Variants in OSBP observed in about 807,000 individuals in gnomAD.
OSBP encodes the protein oxysterol-binding protein 1.
A neutral mutation model predicts 96.6 loss-of-function variants in OSBP; 32 were observed. That is an observed-to-expected ratio of 0.33 (90% confidence interval 0.25 to 0.45). The LOEUF is 0.45. Ranked by LOEUF, OSBP falls within the 20% of genes least tolerant of loss-of-function variation. OSBP has a pLI of 1.00. For missense variants in OSBP, 653 were observed against 1,029.7 expected, an observed-to-expected ratio of 0.63 and a Z score of 5.01; for synonymous variants, 369 against 389.6, an observed-to-expected ratio of 0.95 and a Z score of 0.62.
At position 59,615,567 on chromosome 11, in the gene OSBP, C is replaced by T; in HGVS notation, c.98G>A (p.Gly33Asp). Residue 33 changes from glycine (G) to aspartate (D), a missense_variant, in exon 1 of 14, where the codon GGC becomes GAC. This residue lies in a region of OSBP where 151 missense variants were observed against 146.1 expected (regional missense o/e 1.03). Coordinates refer to ENST00000263847, the MANE Select transcript of OSBP (RefSeq NM_002556.3). Reference protein sequence around the residue: ...GGAGPPVVGGGGGRGDAGPGS... With the variant: ...GGAGPPVVGGDGGRGDAGPGS... ...TGGCCCCGCATCTCCGCGGCCGCCG[C>T]CTCCTCCCACCACTGGGGGACCGGC... 7.3e-7 allele frequency: 1 copy of T among 1,366,514 alleles called. No individual in the cohort carries two copies. The highest frequency in any genetic ancestry group is 2.8e-5 in the Admixed American group (1 of 35,280). 84.6% of individuals were successfully genotyped at this position (1,366,514 alleles called of 1,614,324 possible). A position where few individuals can be genotyped will look rare whatever the true frequency, so the allele number is the denominator to read the frequency against.
intron 7 of OSBP, among the ~76,000 whole-genome samples, chr11:59,598,273 C>T (rs372946931): frequency 2.0e-5 from 3 of 152,164 alleles, no homozygotes; most frequent in Admixed American, 1.3e-4. Context: ...AGACGTAGCC[C>T]CTGATCACAA....
chr11:59,583,949 T>TG (rs1438475185), intron 9 of OSBP, among the ~76,000 whole-genome samples: 3 of 147,718 alleles, frequency 2.0e-5, no homozygotes, highest in African/African-American at 7.5e-5. Context: ...TGTTTTTTTT[T>TG]TTTTTTTTTT....
At chr11:59,610,201 G>A (rs1422248120) in intron 2 of OSBP, among the ~76,000 whole-genome samples, 180 bp downstream of exon 2, 2 of 152,160 alleles carry the variant, frequency 1.3e-5, no homozygotes, top group Non-Finnish European at 2.9e-5. Flanking sequence ...CCCCTGGGGA[G>A]GAGAATCAAC....
intron 7 of OSBP, among the ~76,000 whole-genome samples, chr11:59,595,663 C>T (rs1410533982): frequency 1.3e-5 from 2 of 151,980 alleles, no homozygotes; most frequent in East Asian, 1.9e-4. Flanking sequence ...AACTTGGCCA[C>T]GTGTGGTGGC....
chr11:59,579,553 G>C (rs977812944), intron 11 of OSBP, among the ~76,000 whole-genome samples: 1 of 151,474 alleles, frequency 6.6e-6, no homozygotes, highest in African/African-American at 2.4e-5. Flanking sequence ...GGCTGGTCTC[G>C]AACTCCCGAC....
At chr11:59,579,103 A>C (rs77953412) in intron 11 of OSBP, among the ~76,000 whole-genome samples, 5,346 of 152,124 alleles carry the variant, frequency 0.035, 131 homozygotes, top group Non-Finnish European at 0.043. Flanking sequence ...CACGTAGCAA[A>C]AGCATCTGAC....
At chr11:59,595,963 A>G (rs986465240) in intron 7 of OSBP, among the ~76,000 whole-genome samples, 3 of 148,676 alleles carry the variant, frequency 2.0e-5, no homozygotes, top group Non-Finnish European at 3.0e-5. Context: ...AAATAAATAA[A>G]TAAATAAATA....
chr11:59,613,792 A>C (rs554977518), intron 1 of OSBP, among the ~76,000 whole-genome samples: 1 of 152,348 alleles, frequency 6.6e-6, no homozygotes, highest in East Asian at 1.9e-4. Flanking sequence ...AGTGAGGATG[A>C]GCTATCTAAG....
At chr11:59,582,725 C>A (rs1860435751) in intron 9 of OSBP, among the ~76,000 whole-genome samples, 1 of 152,078 alleles carries the variant, frequency 6.6e-6, no homozygotes, top group South Asian at 2.1e-4. Context: ...GGGTACTATG[C>A]CCTTAACTTA....
chr11:59,603,488 C>G (rs1860744889), intron 3 of OSBP, among the ~76,000 whole-genome samples: 2 of 148,934 alleles, frequency 1.3e-5, no homozygotes, highest in Admixed American at 6.7e-5. Flanking sequence ...CTCAAAGTAA[C>G]TTCAAAATTA....
chr11:59,597,206 G>A (rs1292622280), intron 7 of OSBP, among the ~76,000 whole-genome samples: 7 of 151,798 alleles, frequency 4.6e-5, no homozygotes, highest in Middle Eastern at 3.4e-3. Flanking sequence ...TTACAGACGC[G>A]CGCCAACATG....
chr11:59,603,149 G>T (rs544217011), intron 3 of OSBP, among the ~76,000 whole-genome samples: 7 of 152,126 alleles, frequency 4.6e-5, no homozygotes, highest in Admixed American at 3.3e-4. Context: ...CAGCAGTATC[G>T]TGACTGATTT....
At chr11:59,585,235 G>A (rs1158446524) in intron 9 of OSBP, among the ~76,000 whole-genome samples, 135 of 151,212 alleles carry the variant, frequency 8.9e-4, no homozygotes, top group African/African-American at 3.0e-3. Flanking sequence ...AGTGAGGAGC[G>A]TCTCTGCCCA....
Position 59,594,135 on chromosome 11 carries a change from C to A in OSBP, c.1432G>T (p.Ala478Ser). Residue 478 changes from alanine to serine, a missense_variant, in exon 8 of 14, where the codon GCT becomes TCT. Physicochemically the swap from Ala to Ser is moderately conservative, Grantham distance 99. Transcript: ENST00000263847. ...NSLEQLCYVA[A>S]FTVSSYSTTV... Reference sequence around the variant, plus strand: ...GTGGAGTAGGAGGACACGGTGAAAGCTGCAACATAACAGAGCTGTTCTAGA... The same window carrying A: ...GTGGAGTAGGAGGACACGGTGAAAGATGCAACATAACAGAGCTGTTCTAGA... 6.2e-7 allele frequency: 1 copy of A among 1,614,146 alleles called. No individual in the cohort carries two copies. The highest frequency in any genetic ancestry group is 1.1e-5 in the South Asian group (1 of 91,084).
intron 9 of OSBP, among the ~76,000 whole-genome samples, chr11:59,592,970 G>T (rs1053718896): frequency 6.6e-6 from 1 of 151,878 alleles, no homozygotes; most frequent in South Asian, 2.1e-4. Flanking sequence ...TAATTTTTTT[G>T]TATTCTTAGT....
chr11:59,579,339 T>C (rs944035071), intron 11 of OSBP, among the ~76,000 whole-genome samples: 16 of 151,482 alleles, frequency 1.1e-4, no homozygotes, highest in Non-Finnish European at 1.8e-4. Flanking sequence ...TTCTTTCTTT[T>C]TTTTTTTTTT....
intron 7 of OSBP, among the ~76,000 whole-genome samples, chr11:59,598,128 TTCTC>T (rs1860680468): frequency 6.6e-6 from 1 of 152,224 alleles, no homozygotes; most frequent in African/African-American, 2.4e-5. Flanking sequence ...AGCCCAACAC[TTCTC>T]TAACAAAAAT....
chr11:59,581,412 C>A (rs772162233), intron 10 of OSBP, 39 bp downstream of exon 10: 4 of 1,188,456 alleles, frequency 3.4e-6, no homozygotes, highest in Non-Finnish European at 5.0e-6. Flanking sequence ...AAGAAGTATT[C>A]TTTTAAACTT....
intron 10 of OSBP, among the ~76,000 whole-genome samples, 165 bp downstream of exon 10, chr11:59,581,286 T>TA (rs532755825): frequency 6.6e-6 from 1 of 152,194 alleles, no homozygotes; most frequent in African/African-American, 2.4e-5. Flanking sequence ...ACAGAAAACT[T>TA]AGAGAGTTAG....
Sources: allele counts gnomAD v4.1 joint callset (sites outside exome capture counted in the v4.1 genomes callset), GRCh38; gene constraint gnomAD v4.1.1; regional missense constraint gnomAD v4.1.1; transcripts MANE v1.5; gene names NCBI Gene and HGNC (gene_info 2026-07-23, HGNC 2026-07-21).